The following CDK14 variants were observed in gnomAD, a reference collection of about 807,000 sequenced individuals.
CDK14 encodes the protein cyclin-dependent kinase 14.
CDK14 carries 34 observed loss-of-function variants against 60.7 expected under a neutral mutation model. That is an observed-to-expected ratio of 0.56 (90% confidence interval 0.43 to 0.75). The LOEUF (loss-of-function observed/expected upper bound fraction) is 0.75, where lower values mean the gene tolerates loss of function less well. CDK14 is among the 30% of genes least tolerant of loss of function. The pLI, the probability that CDK14 is intolerant of heterozygous loss-of-function variation, is 0.00. For missense variants in CDK14, 482 were observed against 564.1 expected, an observed-to-expected ratio of 0.85 and a Z score of 1.47; for synonymous variants, 197 against 203.7, an observed-to-expected ratio of 0.97 and a Z score of 0.28.
chr7:91,190,351 G>A (rs1802322662), intron 14 of CDK14, among the ~76,000 whole-genome samples: 1 of 152,188 alleles, frequency 6.6e-6, no homozygotes, highest in Non-Finnish European at 1.5e-5. Flanking sequence ...GGGAAGCTGG[G>A]AAAGACATTC....
intron 8 of CDK14, among the ~76,000 whole-genome samples, chr7:90,947,189 CTG>C (rs1439610700): frequency 6.6e-6 from 1 of 152,198 alleles, no homozygotes; most frequent in African/African-American, 2.4e-5. Context: ...AACAACCAGC[CTG>C]TGTTTTCAGT....
At chr7:90,998,048 CATAA>C (rs1795736137) in intron 10 of CDK14, among the ~76,000 whole-genome samples, 1 of 152,152 alleles carries the variant, frequency 6.6e-6, no homozygotes, top group African/African-American at 2.4e-5. Flanking sequence ...CTTTTTTAGG[CATAA>C]ATAATCAGTG....
At chr7:90,770,766 G>C (rs1048707118) in intron 4 of CDK14, among the ~76,000 whole-genome samples, 2 of 152,108 alleles carry the variant, frequency 1.3e-5, no homozygotes, top group African/African-American at 4.8e-5. Flanking sequence ...GTCTCCTTTT[G>C]ACATGCCTAC....
intron 7 of CDK14, among the ~76,000 whole-genome samples, chr7:90,909,588 C>CA (rs1460752978): frequency 6.6e-6 from 1 of 152,070 alleles, no homozygotes; most frequent in Non-Finnish European, 1.5e-5. Context: ...CTCTAGATCC[C>CA]ATGGCTTTAA....
At chr7:91,160,339 G>C (rs1445951982) in intron 14 of CDK14, among the ~76,000 whole-genome samples, 1 of 152,100 alleles carries the variant, frequency 6.6e-6, no homozygotes. Context: ...GAGAGCATAA[G>C]TACCACCTCC....
chr7:90,769,432 A>G (rs1804694423), intron 4 of CDK14, among the ~76,000 whole-genome samples: 1 of 150,978 alleles, frequency 6.6e-6, no homozygotes, highest in South Asian at 2.1e-4. Context: ...AAGGAGAAAC[A>G]TTTAGGAAAG....
chr7:91,058,090 G>A, intron 11 of CDK14, among the ~76,000 whole-genome samples: 1 of 151,952 alleles, frequency 6.6e-6, no homozygotes, highest in Admixed American at 6.6e-5. Context: ...GTTGAGCAGT[G>A]GTTTGTAGTT....
chr7:90,777,844 A>G (rs893973171), intron 4 of CDK14, among the ~76,000 whole-genome samples: 18 of 152,234 alleles, frequency 1.2e-4, no homozygotes, highest in Non-Finnish European at 2.2e-4. Context: ...ACTATGCCTC[A>G]GACTGCACCC....
At chr7:90,851,027 A>C (rs1383639326) in intron 5 of CDK14, among the ~76,000 whole-genome samples, 1 of 152,176 alleles carries the variant, frequency 6.6e-6, no homozygotes, top group Non-Finnish European at 1.5e-5. Context: ...AGATAAAGGG[A>C]AACCATGACC....
intron 13 of CDK14, among the ~76,000 whole-genome samples, chr7:91,114,968 T>C (rs1327974648): frequency 6.6e-6 from 1 of 152,132 alleles, no homozygotes; most frequent in African/African-American, 2.4e-5. Flanking sequence ...TATTTAGAAG[T>C]TTTTTAAATT....
At position 90,992,914 on chromosome 7, in the gene CDK14, C is replaced by T. The variant is rs146862500; in HGVS notation, c.1041+8673C>T. Among the ~76,000 whole-genome samples, 27 of 152,264 alleles carry T rather than the reference C, an allele frequency of 1.8e-4. No homozygotes were observed. In the East Asian group the frequency reaches 4.4e-3, roughly 25 times the overall value. Reference sequence around the variant, plus strand: ...ACGGAGTTTGAAGTACAACTGAATACGTATTCCAAGTAGGAATTATGCTGG... The same window carrying T: ...ACGGAGTTTGAAGTACAACTGAATATGTATTCCAAGTAGGAATTATGCTGG... On this transcript the variant is annotated intron_variant, in intron 10 of 14. Coordinates refer to ENST00000380050, the MANE Select transcript of CDK14 (RefSeq NM_001287135.2).
intron 5 of CDK14, among the ~76,000 whole-genome samples, chr7:90,841,691 C>CACACACACACAG (rs1252243948): frequency 3.3e-5 from 5 of 150,594 alleles, no homozygotes; most frequent in African/African-American, 1.2e-4. Context: ...CACACACACA[C>CACACACACACAG]AGGTGTCAGC....
At position 91,008,127 on chromosome 7, in the gene CDK14, C is replaced by CAAAAAAA. The variant is rs56082719; in HGVS notation, c.1041+23898_1041+23904dup. On this transcript the variant is annotated intron_variant, in intron 10 of 14. Coordinates refer to ENST00000380050, the MANE Select transcript of CDK14 (RefSeq NM_001287135.2). The stretch of plus-strand genomic sequence containing the variant: ...ATGGGAGCCAGTGCCGGGAGAAGGC[C>CAAAAAAA]AAAAAAAAAAAAAAAAAACAAACAA... Among the ~76,000 whole-genome samples, 527 of 62,540 alleles carry CAAAAAAA rather than the reference C, an allele frequency of 8.4e-3. 49 individuals carry two copies. Among genetic ancestry groups the CAAAAAAA allele is most frequent in the African/African-American group, 0.017 (290 of 16,682 alleles). 41.0% of individuals were successfully genotyped at this position (62,540 alleles called of 152,430 possible). A position where few individuals can be genotyped will look rare whatever the true frequency, so the allele number is the denominator to read the frequency against.
chr7:91,164,949 G>A (rs1227064080), intron 14 of CDK14, among the ~76,000 whole-genome samples: 1 of 152,172 alleles, frequency 6.6e-6, no homozygotes, highest in Non-Finnish European at 1.5e-5. Context: ...ACACTAACTT[G>A]CCACAGATAC....
chr7:90,968,797 A>G (rs929692825), intron 9 of CDK14, among the ~76,000 whole-genome samples: 7 of 150,476 alleles, frequency 4.7e-5, no homozygotes, highest in Admixed American at 3.3e-4. Context: ...TTTTTCTCAC[A>G]CACTGGGTGT....
intron 2 of CDK14, among the ~76,000 whole-genome samples, chr7:90,605,691 T>C (rs984784466): frequency 5.9e-5 from 9 of 152,326 alleles, no homozygotes; most frequent in South Asian, 4.1e-4. Context: ...AAAAATCTCA[T>C]AAATCCTGTT....
intron 4 of CDK14, among the ~76,000 whole-genome samples, chr7:90,787,301 A>G (rs889255904): frequency 6.6e-6 from 1 of 150,856 alleles, no homozygotes; most frequent in Non-Finnish European, 1.5e-5. Context: ...GGATGCAAAA[A>G]GGTTAATTAA....
intron 14 of CDK14, among the ~76,000 whole-genome samples, chr7:91,158,581 A>G (rs1801063837): frequency 3.3e-5 from 5 of 152,186 alleles, no homozygotes; most frequent in Admixed American, 3.3e-4. Context: ...CACAATTTGC[A>G]TTTTAATGGA....
intron 14 of CDK14, among the ~76,000 whole-genome samples, chr7:91,168,600 A>G (rs1801421770): frequency 6.6e-6 from 1 of 152,246 alleles, no homozygotes; most frequent in Admixed American, 6.5e-5. Context: ...AAGAAATTAA[A>G]CAATAGGTAA....
Sources: gnomAD v4.1 joint callset for allele counts (sites outside exome capture counted in the v4.1 genomes callset) on GRCh38, gnomAD v4.1.1 for gene constraint, MANE v1.5 for transcripts, NCBI Gene and HGNC (gene_info 2026-07-23, HGNC 2026-07-21) for gene names.